NSD2: variants seen among roughly 807,000 people sequenced by gnomAD.
The protein encoded by NSD2 is nuclear receptor binding SET domain protein 2, also known as histone-lysine N-methyltransferase NSD2.
NSD2 carries 12 observed loss-of-function variants against 139.0 expected under a neutral mutation model. The ratio of observed to expected loss-of-function variants is 0.09; its 90% CI spans 0.06 to 0.14. The LOEUF is 0.14. NSD2 is among the 10% of genes least tolerant of loss of function. NSD2 has a pLI of 1.00. For missense variants in NSD2, 1,155 were observed against 1,745.0 expected (o/e 0.66, Z 6.02); for synonymous variants, 669 against 648.7 (o/e 1.03, Z -0.48).
intron 5 of NSD2, among the ~76,000 whole-genome samples, chr4:1,929,513 C>T (rs949070390): frequency 6.6e-6 from 1 of 152,194 alleles, no homozygotes; most frequent in Non-Finnish European, 1.5e-5. Context: ...AGTCAGCAGA[C>T]TTTCCAAAGG....
In NSD2 at chr4:1,900,944, A is replaced by G. The variant is rs376638264; in HGVS notation, c.290A>G (p.Lys97Arg). Residue 97 changes from lysine to arginine, a missense_variant, in exon 2 of 22, where the codon AAA becomes AGA. Lys to Arg is a conservative substitution (Grantham distance 26, BLOSUM62 2). Coordinates refer to ENST00000508803, the MANE Select transcript of NSD2 (RefSeq NM_001042424.3). ...FNGEPGAHDA[K>R]LRFESQEMKG... ...GGAGAACCCGGCGCACACGATGCCA[A>G]ACTGCGTTTTGAGTCCCAGGAAATG... The G allele has an allele frequency of 5.6e-6, 9 of 1,614,090 alleles. No individual in the cohort carries two copies. Among genetic ancestry groups the G allele is most frequent in the African/African-American group, 2.7e-5 (2 of 74,920 alleles).
chr4:1,885,706 T>A (rs1243444877), intron 1 of NSD2, among the ~76,000 whole-genome samples: 2 of 152,034 alleles, frequency 1.3e-5, no homozygotes, highest in Non-Finnish European at 2.9e-5. Flanking sequence ...GAGCTGTTAC[T>A]GCCTCTCTTG....
At chr4:1,908,336 G>A (rs997324080) in intron 3 of NSD2, among the ~76,000 whole-genome samples, 1 of 152,244 alleles carries the variant, frequency 6.6e-6, no homozygotes, top group African/African-American at 2.4e-5. Context: ...ACCAGCATAG[G>A]CTGGGCAGTG....
chr4:1,945,026 G>C, intron 9 of NSD2: 1 of 1,065,954 alleles, frequency 9.4e-7, no homozygotes, highest in Non-Finnish European at 1.1e-6. Flanking sequence ...GACTGTGTGT[G>C]ATGTGCAGAG....
chr4:1,901,661 G>C (rs1308316882), intron 2 of NSD2, among the ~76,000 whole-genome samples: 1 of 152,220 alleles, frequency 6.6e-6, no homozygotes, highest in African/African-American at 2.4e-5. Flanking sequence ...GGGCTCTAGA[G>C]TGTGACTTCT....
At chr4:1,878,189 T>A (rs1202307200) in intron 1 of NSD2, among the ~76,000 whole-genome samples, 1 of 137,762 alleles carries the variant, frequency 7.3e-6, no homozygotes, top group Non-Finnish European at 1.5e-5. Flanking sequence ...GCCTCCCAAG[T>A]AGCTGGGATT....
chr4:1,924,363 G>C (rs1043401671), intron 5 of NSD2, among the ~76,000 whole-genome samples: 7 of 151,998 alleles, frequency 4.6e-5, no homozygotes. Context: ...GCGGTGTCGG[G>C]TGGGAACCGC....
intron 10 of NSD2, 79 bp downstream of exon 10, chr4:1,951,282 C>CT: frequency 7.0e-6 from 11 of 1,581,330 alleles, no homozygotes; most frequent in Non-Finnish European, 8.6e-6. Flanking sequence ...TTTGTAGTGT[C>CT]TTTTCCCTTC....
chr4:1,963,164 A>G (rs998245481), intron 18 of NSD2, among the ~76,000 whole-genome samples: 1 of 152,358 alleles, frequency 6.6e-6, no homozygotes, highest in East Asian at 1.9e-4. Context: ...TAAATAGGAA[A>G]GCTTTGCAGG....
rs760247979 is a variant in NSD2 at position 1,948,004 on chromosome 4, T to A, written c.1882-3068T>A. ...CTGGAATGTGTTCACTAGGTTCCGT[T>A]ATGTTTGGTAATATCATCTTGAAAA... On this transcript the variant is annotated intron_variant, in intron 9 of 21. Transcript: ENST00000508803. This position sits in a 1 kb window ranked among gnomAD's most constrained non-coding sequence, Gnocchi z 4.5. 61 of 1,056,662 alleles carry A rather than the reference T, an allele frequency of 5.8e-5. No individual in the cohort carries two copies. The highest frequency in any genetic ancestry group is 7.0e-5 in the Non-Finnish European group (61 of 873,676). 65.5% of individuals were successfully genotyped at this position (1,056,662 alleles called of 1,614,324 possible).
At position 1,973,769 on chromosome 4, in the gene NSD2, AGTGTTTATCCCT is replaced by A. The variant is rs1192554968; in HGVS notation, c.3373-1091_3373-1080del. 6.6e-6 allele frequency among the ~76,000 whole-genome samples: 1 copy of A among 152,136 alleles called. No individual in the cohort carries two copies. Among genetic ancestry groups the A allele is most frequent in the Non-Finnish European group, 1.5e-5 (1 of 68,016 alleles). On this transcript the variant is annotated intron_variant, in intron 18 of 21. Coordinates refer to ENST00000508803, the MANE Select transcript of NSD2 (RefSeq NM_001042424.3). This position sits in a 1 kb window ranked among gnomAD's most constrained non-coding sequence, Gnocchi z 5.5. The stretch of plus-strand genomic sequence containing the variant: ...CGCTTCCTGGGACCATGTTTATCCC[AGTGTTTATCCCT>A]GTTCACACACGTGGTTTTGTTTGAA...
intron 3 of NSD2, among the ~76,000 whole-genome samples, chr4:1,905,967 A>G (rs1577402673): frequency 6.6e-6 from 1 of 152,294 alleles, no homozygotes; most frequent in African/African-American, 2.4e-5. Flanking sequence ...AAGCCTCTGC[A>G]GCCCGGGTGC....
intron 9 of NSD2, chr4:1,941,271 G>A: frequency 2.8e-6 from 3 of 1,057,030 alleles, no homozygotes; most frequent in Non-Finnish European, 3.4e-6. Context: ...CTTTTAATGA[G>A]TTTTTCTGTT....
At position 1,978,898 on chromosome 4, in the gene NSD2, G is replaced by A. The variant is rs1031862279; in HGVS notation, c.4087G>A (p.Glu1363Lys). The A allele has an allele frequency of 6.4e-7, 1 of 1,554,860 alleles. No homozygotes were observed. Among genetic ancestry groups the A allele is most frequent in the Non-Finnish European group, 8.7e-7 (1 of 1,148,554 alleles). ...GCGGAGGGGCTGGCGGAGAGTCACA[G>A]AGGGCAAATAGCGCCAGGCGGCCGC... ...RRRRGWRRVTEGK is the reference protein window; with the variant it reads ...RRRRGWRRVTKGK Residue 1363 changes from glutamate (E) to lysine (K), a missense_variant, in exon 22 of 22, where the codon GAG becomes AAG. This residue lies in a region of NSD2 where 132 missense variants were observed against 94.3 expected (regional missense o/e 1.40). Coordinates refer to ENST00000508803, the MANE Select transcript of NSD2 (RefSeq NM_001042424.3).
chr4:1,928,190 A>G (rs1025827680), intron 5 of NSD2, among the ~76,000 whole-genome samples: 1 of 151,994 alleles, frequency 6.6e-6, no homozygotes, highest in Admixed American at 6.5e-5. Context: ...GGCATGAGCC[A>G]TGTGTCCAGC....
At chr4:1,896,324 C>T (rs1315668160) in intron 1 of NSD2, among the ~76,000 whole-genome samples, 1 of 152,256 alleles carries the variant, frequency 6.6e-6, no homozygotes, top group Non-Finnish European at 1.5e-5. Flanking sequence ...CTATGAGGCT[C>T]CAGACTGCTG....
intron 5 of NSD2, among the ~76,000 whole-genome samples, chr4:1,927,429 T>G (rs1189579540): frequency 6.6e-6 from 1 of 151,750 alleles, no homozygotes; most frequent in Non-Finnish European, 1.5e-5. Flanking sequence ...AAAAAGATGT[T>G]GGGGGGAGCA....
In NSD2 at chr4:1,935,133, C is replaced by T; in HGVS notation, c.1556-11C>T. On this transcript the variant is annotated splice_polypyrimidine_tract_variant and intron_variant, in intron 6 of 21. Transcript: ENST00000508803. Reference sequence around the variant, plus strand: ...GTTTTCATGTACATTTTCCCCATTCCCCATTCCAAGGTAATGTAAATGGGA... The same window carrying T: ...GTTTTCATGTACATTTTCCCCATTCTCCATTCCAAGGTAATGTAAATGGGA... The T allele has an allele frequency of 1.9e-6, 3 of 1,599,896 alleles. No individual in the cohort carries two copies. The highest frequency in any genetic ancestry group is 2.6e-6 in the Non-Finnish European group (3 of 1,170,830).
intron 3 of NSD2, among the ~76,000 whole-genome samples, chr4:1,914,863 C>A (rs1192179987): frequency 6.6e-6 from 1 of 152,142 alleles, no homozygotes; most frequent in Non-Finnish European, 1.5e-5. Context: ...GCTTGAATTT[C>A]AGCAGGGTGT....
Sources: gnomAD v4.1 joint callset for allele counts (sites outside exome capture counted in the v4.1 genomes callset) on GRCh38, gnomAD v4.1.1 for gene constraint, gnomAD v4.1.1 regional missense constraint, Gnocchi (gnomAD v3.1) non-coding constraint, MANE v1.5 for transcripts, NCBI Gene and HGNC (gene_info 2026-07-23, HGNC 2026-07-21) for gene names.